ECEL1: variants seen among roughly 807,000 people sequenced by gnomAD.
The protein encoded by ECEL1 is endothelin-converting enzyme-like 1.
In ECEL1, 87 loss-of-function variants were observed where a neutral mutation model predicts 101.8. The observed-to-expected ratio is 0.85, with a 90% CI of 0.72 to 1.02. ECEL1 has a LOEUF of 1.02. Ranked by LOEUF, ECEL1 falls within the 50% of genes least tolerant of loss-of-function variation. The pLI is 0.00. For synonymous variants in ECEL1, 487 were observed against 468.7 expected, an observed-to-expected ratio of 1.04 and a Z score of -0.50; for missense variants, 1,032 against 1,079.2, an observed-to-expected ratio of 0.96 and a Z score of 0.61.
intron 2 of ECEL1, 77 bp from the exon 3 acceptor site, chr2:232,485,344 T>G: frequency 6.6e-7 from 1 of 1,509,480 alleles, no homozygotes; most frequent in Non-Finnish European, 9.0e-7. Flanking sequence ...CCCACTCCAA[T>G]GCCCAGAGAG....
chr2:232,484,257 C>T lies in ECEL1; in HGVS notation c.1185-34G>A, dbSNP rs375709420. ...CAGGTGAAGCCAGTGGGTGTCCAGA[C>T]GGACATGCATGTGGGCCACCAAGGG... is the stretch of plus-strand genomic sequence containing the variant. On this transcript the variant is annotated intron_variant, in intron 6 of 17. Coordinates refer to ENST00000304546, the MANE Select transcript of ECEL1 (RefSeq NM_004826.4). 105 of 1,595,118 alleles carry T rather than the reference C, an allele frequency of 6.6e-5. 1 individual carries two copies. Among genetic ancestry groups the T allele is most frequent in the South Asian group, 1.7e-4 (15 of 89,788 alleles).
At position 232,482,597 on chromosome 2, in the gene ECEL1, G is replaced by A. The variant is rs1690609017; in HGVS notation, c.1697C>T (p.Pro566Leu). The change falls in exon 11 of 18, where the codon CCC (proline) becomes CTC (leucine). Residue 566 changes from proline to leucine, a missense_variant. Coordinates refer to ENST00000304546, the MANE Select transcript of ECEL1 (RefSeq NM_004826.4). ...ATAGTAGGCATTGAGCGCCTGTGGG[G>A]GGAGCAGCCACCTGTGGAGGGATGC... ...QEVDKSTWLL[P>L]PQALNAYYLP... is the part of the protein sequence containing the mutation. The A allele has an allele frequency of 6.2e-7, 1 of 1,612,520 alleles. No individual in the cohort carries two copies. The highest frequency in any genetic ancestry group is 8.5e-7 in the Non-Finnish European group (1 of 1,179,368).
In ECEL1 at chr2:232,485,018, G is replaced by A; in HGVS notation, c.929C>T (p.Ala310Val). 1 of 1,612,970 alleles carries A rather than the reference G, an allele frequency of 6.2e-7. No homozygotes were observed. The highest frequency in any genetic ancestry group is 1.1e-5 in the South Asian group (1 of 91,088). The change falls in exon 4 of 18, where the codon GCC (alanine) becomes GTC (valine). Residue 310 changes from alanine (A) to valine (V), a missense_variant. Transcript: ENST00000304546. The stretch of plus-strand genomic sequence containing the variant: ...CTGCTCCACTTGCAGGATCTCTTGG[G>A]CCTTCTGTTCCACAGCGTCTGCACC... ...LLGADAVEQKAQEILQVEQQL... is the reference protein window; with the variant it reads ...LLGADAVEQKVQEILQVEQQL...
At position 232,481,816 on chromosome 2, in the gene ECEL1, A is replaced by T. The variant is rs1336088548; in HGVS notation, c.1830T>A (p.Ile610=). The T allele has an allele frequency of 1.2e-6, 2 of 1,613,964 alleles. No homozygotes were observed. Among genetic ancestry groups the T allele is most frequent in the Non-Finnish European group, 1.7e-6 (2 of 1,180,004 alleles). ...CGTAGCCGTGGGTCAGCTCATGTCCAATGATGGTGCCGATGCCCCCGTAGT... is the reference window on the plus strand; with the variant it reads ...CGTAGCCGTGGGTCAGCTCATGTCCTATGATGGTGCCGATGCCCCCGTAGT... ...SLNYGGIGTI[I]GHELTHGYDD... Residue 610 remains isoleucine (I), a synonymous_variant, in exon 13 of 18, where the codon ATT becomes ATA. Transcript: ENST00000304546.
chr2:232,486,426 C>A lies in ECEL1; in HGVS notation c.228G>T (p.Leu76=). The A allele has an allele frequency of 2.1e-6, 3 of 1,458,542 alleles. No individual in the cohort carries two copies. The highest frequency in any genetic ancestry group is 2.7e-6 in the Non-Finnish European group (3 of 1,118,482). 90.4% of individuals were successfully genotyped at this position (1,458,542 alleles called of 1,614,324 possible). A position where few individuals can be genotyped will look rare whatever the true frequency, so the allele number is the denominator to read the frequency against. The change falls in exon 2 of 18, where the codon CTG becomes CTT. Residue 76 remains leucine, a synonymous_variant. Coordinates refer to ENST00000304546, the MANE Select transcript of ECEL1 (RefSeq NM_004826.4). ...LVFAAGLCAI[L]AAMLALKYLG... ...GGTACTTGAGGGCCAGCATAGCCGCCAGAATGGCGCAGAGGCCGGCGGCGA... is the reference window on the plus strand; with the variant it reads ...GGTACTTGAGGGCCAGCATAGCCGCAAGAATGGCGCAGAGGCCGGCGGCGA...
chr2:232,485,738 T>C, intron 2 of ECEL1, 130 bp downstream of exon 2: 2 of 1,222,686 alleles, frequency 1.6e-6, no homozygotes, highest in Non-Finnish European at 2.3e-6. Context: ...TCCCCTCCCC[T>C]CCCCTCTCCT....
At position 232,487,805 on chromosome 2, in the gene ECEL1, C is replaced by G. The variant is rs1559278598; in HGVS notation, c.-188G>C. The G allele has an allele frequency of 6.7e-6, 1 of 149,110 alleles. No individual in the cohort carries two copies. Among genetic ancestry groups the G allele is most frequent in the African/African-American group, 2.4e-5 (1 of 41,058 alleles). 9.2% of individuals were successfully genotyped at this position (149,110 alleles called of 1,614,324 possible). A position where few individuals can be genotyped will look rare whatever the true frequency, so the allele number is the denominator to read the frequency against. On this transcript the variant is annotated 5_prime_UTR_variant, in exon 1 of 18. Coordinates refer to ENST00000304546, the MANE Select transcript of ECEL1 (RefSeq NM_004826.4). ...GCCGCAGCGCAGCCGAGCGGGCGTC[C>G]GGTGTCTCCCAGCGCCCGCCGCCTC...
Position 232,486,321 on chromosome 2 carries a change from G to A in ECEL1, c.333C>T (p.Phe111=). ...TGCTGGCGTCCAGGTTGGCGGCCAGGAAGCGAGCGGCGCGCGCGAAGGCCT... is the reference window on the plus strand; with the variant it reads ...TGCTGGCGTCCAGGTTGGCGGCCAGAAAGCGAGCGGCGCGCGCGAAGGCCT... ...ERKAFARAAR[F]LAANLDASID... Residue 111 remains phenylalanine (F), a synonymous_variant, in exon 2 of 18, where the codon TTC becomes TTT. Transcript: ENST00000304546. The A allele has an allele frequency of 6.3e-7, 1 of 1,575,910 alleles. No individual in the cohort carries two copies. Among genetic ancestry groups the A allele is most frequent in the Non-Finnish European group, 8.6e-7 (1 of 1,169,020 alleles).
At chr2:232,487,346 G>A (rs1371717914) in intron 1 of ECEL1, among the ~76,000 whole-genome samples, 1 of 152,132 alleles carries the variant, frequency 6.6e-6, no homozygotes, top group African/African-American at 2.4e-5. Context: ...ACGCCCCAGG[G>A]TGGCGGACAC....
intron 7 of ECEL1, among the ~76,000 whole-genome samples, 157 bp from the exon 8 acceptor site, chr2:232,483,671 GCAC>G (rs1279644032): frequency 6.6e-6 from 1 of 152,184 alleles, no homozygotes; most frequent in East Asian, 1.9e-4. Context: ...TCCAGGCCCT[GCAC>G]CCCCGAGGGC....
At position 232,483,480 on chromosome 2, in the gene ECEL1, A is replaced by C. The variant is rs1288036225; in HGVS notation, c.1442T>G (p.Leu481Arg). The C allele has an allele frequency of 6.2e-7, 1 of 1,612,272 alleles. No individual in the cohort carries two copies. The highest frequency in any genetic ancestry group is 8.5e-7 in the Non-Finnish European group (1 of 1,179,686). Residue 481 changes from leucine to arginine, a missense_variant, in exon 8 of 18, where the codon CTG becomes CGG. Transcript: ENST00000304546. ...GTCCAGCTCCTCCAGGCGCTGGCCC[A>C]GGATGTACTTGATGTCTTCCACTAG... is the stretch of plus-strand genomic sequence containing the variant. ...QQLVEDIKYI[L>R]GQRLEELDWM...
At chr2:232,486,796 G>A (rs990358260) in intron 1 of ECEL1, 42 bp from the exon 2 acceptor site, 114 of 937,466 alleles carry the variant, frequency 1.2e-4, no homozygotes, top group Middle Eastern at 1.2e-3. Flanking sequence ...CGCCGCAGCC[G>A]GATGGGGCTC....
At chr2:232,485,729 C>G in intron 2 of ECEL1, 139 bp downstream of exon 2, 3 of 1,124,008 alleles carry the variant, frequency 2.7e-6, no homozygotes, top group Non-Finnish European at 3.8e-6. Context: ...TCTGTGCGCT[C>G]CCCTCCCCTC....
At position 232,481,571 on chromosome 2, in the gene ECEL1, G is replaced by A. The variant is rs780485015; in HGVS notation, c.1924C>T (p.Arg642Cys). 6.8e-6 allele frequency: 11 copies of A among 1,613,710 alleles called. No individual in the cohort carries two copies. The highest frequency in any genetic ancestry group is 2.7e-5 in the African/African-American group (2 of 74,936). The change falls in exon 14 of 18, where the codon CGC becomes TGC. Residue 642 changes from arginine to cysteine, a missense_variant. By Grantham distance (180) the Arg-to-Cys change is radical. Coordinates refer to ENST00000304546, the MANE Select transcript of ECEL1 (RefSeq NM_004826.4). ...ATGCACTCAGCCTTTCGCAGGAAGC[G>A]GCTGTAGGAGGCCTCCGTCCACCAG... is the stretch of plus-strand genomic sequence containing the variant. ...LHWWTEASYS[R>C]FLRKAECIVR...
At chr2:232,481,436 G>A in intron 14 of ECEL1, 70 bp downstream of exon 14, 2 of 1,549,058 alleles carry the variant, frequency 1.3e-6, no homozygotes, top group Middle Eastern at 1.7e-4. Flanking sequence ...CGTGCGCAAG[G>A]GTGTGCGTGA....
chr2:232,486,803 G>T (rs913083090), intron 1 of ECEL1, 49 bp from the exon 2 acceptor site: 186 of 848,994 alleles, frequency 2.2e-4, no homozygotes, highest in Non-Finnish European at 2.8e-4. Flanking sequence ...GCCGGATGGG[G>T]CTCAGGGTCA....
At chr2:232,485,324 A>T in intron 2 of ECEL1, 57 bp from the exon 3 acceptor site, 1 of 1,581,370 alleles carries the variant, frequency 6.3e-7, no homozygotes, top group Non-Finnish European at 8.6e-7. Context: ...TTCCCTAAAC[A>T]GAGGGAATTC....
rs1489303192 is a variant in ECEL1, at chr2:232,481,010, G to C, written c.2055+81C>G. 3 of 1,518,740 alleles carry C rather than the reference G, an allele frequency of 2.0e-6. No individual in the cohort carries two copies. The African/African-American group carries it at 4.1e-5, about 21-fold the overall frequency. The allele number at this position is 1,518,740 out of a possible 1,614,324, so 94.1% of individuals were successfully genotyped here. A position where few individuals can be genotyped will look rare whatever the true frequency, so the allele number is the denominator to read the frequency against. On this transcript the variant is annotated intron_variant, in intron 15 of 17. Coordinates refer to ENST00000304546, the MANE Select transcript of ECEL1 (RefSeq NM_004826.4). Reference sequence around the variant, plus strand: ...GAGCTCAGCAGGGTGGGCAGGGAGAGGCAGCTCTGTCCCTCATCTGGAGTC... The same window carrying C: ...GAGCTCAGCAGGGTGGGCAGGGAGACGCAGCTCTGTCCCTCATCTGGAGTC...
In ECEL1 at chr2:232,482,541, T is replaced by C; in HGVS notation, c.1744+9A>G. On this transcript the variant is annotated intron_variant, in intron 11 of 17. Transcript: ENST00000304546. Reference sequence around the variant, plus strand: ...CTGCCCCGCCCGGCGTAGGGACACATCCCCTTACCCATCTGGTTCTTGTTG... The same window carrying C: ...CTGCCCCGCCCGGCGTAGGGACACACCCCCTTACCCATCTGGTTCTTGTTG... 4 of 1,613,870 alleles carry C rather than the reference T, an allele frequency of 2.5e-6. No individual in the cohort carries two copies. Among genetic ancestry groups the C allele is most frequent in the Non-Finnish European group, 3.4e-6 (4 of 1,179,978 alleles).
Sources: allele counts gnomAD v4.1 joint callset (sites outside exome capture counted in the v4.1 genomes callset), GRCh38; gene constraint gnomAD v4.1.1; transcripts MANE v1.5; gene names NCBI Gene and HGNC (gene_info 2026-07-23, HGNC 2026-07-21).